The following CLIC5 variants were observed in gnomAD, a reference collection of about 807,000 sequenced individuals.
CLIC5 encodes the protein CLIC family member 5.
In CLIC5, 20 loss-of-function variants were observed where a neutral mutation model predicts 24.7. The observed-to-expected ratio is 0.81, with a 90% CI of 0.57 to 1.18. The LOEUF is 1.18. CLIC5 is among the 50% of genes most tolerant of loss of function. The probability of loss-of-function intolerance (pLI) is 0.00; values close to 1 mark genes in which losing one functional copy is unlikely to be tolerated. For synonymous variants in CLIC5, 159 were observed against 135.6 expected (o/e 1.17, Z -1.20); for missense variants, 341 against 326.1 (o/e 1.05, Z -0.35).
At chr6:46,030,485 C>G (rs924585241) in intron 1 of CLIC5, among the ~76,000 whole-genome samples, 10 of 152,146 alleles carry the variant, frequency 6.6e-5, no homozygotes, top group African/African-American at 2.4e-4. Flanking sequence ...CTCTTGGTAG[C>G]CAGGACATGC....
At chr6:46,040,319 T>C (rs1300678645) in intron 1 of CLIC5, among the ~76,000 whole-genome samples, 1 of 152,126 alleles carries the variant, frequency 6.6e-6, no homozygotes, top group African/African-American at 2.4e-5. Flanking sequence ...TTGCTCATAG[T>C]GTTAATAATG....
At chr6:45,955,551 A>G (rs1764614507) in intron 1 of CLIC5, among the ~76,000 whole-genome samples, 1 of 151,654 alleles carries the variant, frequency 6.6e-6, no homozygotes, top group Non-Finnish European at 1.5e-5. Flanking sequence ...GTCTGACACA[A>G]ATGATATTGG....
the CLIC5 span, among the ~76,000 whole-genome samples, chr6:46,104,637 C>T: frequency 5.4e-5 from 8 of 149,180 alleles, no homozygotes; most frequent in South Asian, 1.7e-3. Flanking sequence ...CCTGAGCTTT[C>T]CATAAAGAGG....
intron 1 of CLIC5, among the ~76,000 whole-genome samples, chr6:46,055,375 A>G (rs1189705140): frequency 6.6e-6 from 1 of 151,462 alleles, no homozygotes; most frequent in Non-Finnish European, 1.5e-5. Flanking sequence ...AGTGCTGGGA[A>G]AACAGGCGTG....
chr6:46,121,092 T>C, the CLIC5 span, among the ~76,000 whole-genome samples: 1 of 151,990 alleles, frequency 6.6e-6, no homozygotes, highest in Non-Finnish European at 1.5e-5. Flanking sequence ...GCCACCAAGA[T>C]ACTCCTCAAG....
At chr6:45,882,628 C>A (rs773627004) in intron 6 of CLIC5, among the ~76,000 whole-genome samples, 1 of 152,134 alleles carries the variant, frequency 6.6e-6, no homozygotes, top group East Asian at 1.9e-4. Flanking sequence ...TAGTAAGATA[C>A]GCATGTGTTT....
intron 6 of CLIC5, among the ~76,000 whole-genome samples, chr6:45,889,424 G>GCATATAATTT: frequency 6.6e-6 from 1 of 152,078 alleles, no homozygotes; most frequent in Non-Finnish European, 1.5e-5. Flanking sequence ...AAATTTTGGG[G>GCATATAATTT]GGAACACATT....
At chr6:45,971,574 C>T (rs1007310643) in intron 1 of CLIC5, among the ~76,000 whole-genome samples, 1 of 152,166 alleles carries the variant, frequency 6.6e-6, no homozygotes, top group Admixed American at 6.5e-5. Context: ...GACAGATAGT[C>T]TTCTAGATCC....
chr6:45,926,252 T>A (rs2894656), intron 4 of CLIC5, among the ~76,000 whole-genome samples: 34,135 of 142,262 alleles, frequency 0.24, 4,524 homozygotes, highest in East Asian at 0.44. Flanking sequence ...TATTTTATTT[T>A]TTTTATTTTT....
chr6:45,914,637 T>C, intron 4 of CLIC5: 4 of 822,216 alleles, frequency 4.9e-6, no homozygotes, highest in Non-Finnish European at 6.3e-6. Context: ...GCTAATCTTT[T>C]GCTTTGAAAA....
rs1034063326 is a variant in CLIC5, at chr6:45,900,319, C to A, written c.*2769G>T. On this transcript the variant is annotated 3_prime_UTR_variant, in exon 6 of 6. Transcript: ENST00000339561. ...CTGTGCCACCAAAATGCTTTCTGAG[C>A]GATTTGTATTCATTCAGGACCAATG... 1.4e-4 allele frequency: 22 copies of A among 152,008 alleles called. 1 individual carries two copies. The highest frequency in any genetic ancestry group is 2.9e-5 in the Non-Finnish European group (2 of 68,022). 9.4% of individuals were successfully genotyped at this position (152,008 alleles called of 1,614,324 possible). A position where few individuals can be genotyped will look rare whatever the true frequency, so the allele number is the denominator to read the frequency against.
intron 1 of CLIC5, among the ~76,000 whole-genome samples, chr6:46,072,658 T>C (rs1243591075): frequency 2.6e-5 from 4 of 152,186 alleles, no homozygotes; most frequent in Non-Finnish European, 5.9e-5. Context: ...AACTCTCACA[T>C]GATTATTTGG....
At chr6:45,929,594 A>G (rs1311759220) in intron 4 of CLIC5, among the ~76,000 whole-genome samples, 1 of 152,266 alleles carries the variant, frequency 6.6e-6, no homozygotes, top group East Asian at 1.9e-4. Flanking sequence ...GAAAGGAGAC[A>G]GCAATGGCTG....
At chr6:45,938,765 G>A (rs999031511) in intron 4 of CLIC5, among the ~76,000 whole-genome samples, 1 of 152,120 alleles carries the variant, frequency 6.6e-6, no homozygotes, top group Non-Finnish European at 1.5e-5. Flanking sequence ...AAAATCTGGA[G>A]GGCTCAAATG....
Position 46,071,190 on chromosome 6 carries a change from C to G in CLIC5, c.540+8513G>C, listed in dbSNP as rs540801155. The stretch of plus-strand genomic sequence containing the variant: ...GGCAAAGATTTCATGACAAAGATGC[C>G]AAAATCAGTTGAAACAAAAGCAAAA... On this transcript the variant is annotated intron_variant, in intron 1 of 5. Transcript: ENST00000185206. 2.0e-5 allele frequency among the ~76,000 whole-genome samples: 3 copies of G among 152,060 alleles called. No individual in the cohort carries two copies. The South Asian group carries it at 6.2e-4, about 32-fold the overall frequency.
chr6:46,090,335 AC>A, the CLIC5 span, among the ~76,000 whole-genome samples: 12 of 151,468 alleles, frequency 7.9e-5, no homozygotes, highest in East Asian at 2.3e-3. Context: ...TCCGACCCCA[AC>A]GCCTCCTCCA....
intron 1 of CLIC5, among the ~76,000 whole-genome samples, chr6:45,992,101 G>A (rs188235096): frequency 7.0e-4 from 107 of 152,274 alleles, no homozygotes; most frequent in African/African-American, 2.6e-3. Flanking sequence ...TGTGAGGCAA[G>A]CCCCTTCCCC....
chr6:45,956,601 A>G (rs1233010868), intron 1 of CLIC5, among the ~76,000 whole-genome samples: 2 of 151,724 alleles, frequency 1.3e-5, no homozygotes, highest in South Asian at 2.1e-4. Flanking sequence ...CTTCTTTCAT[A>G]CATTAGAACC....
At chr6:46,085,993 T>C in the CLIC5 span, among the ~76,000 whole-genome samples, 2 of 152,192 alleles carry the variant, frequency 1.3e-5, no homozygotes, top group African/African-American at 4.8e-5. Context: ...CAGTTTGATC[T>C]CAGACTGCTG....
Sources: allele counts gnomAD v4.1 joint callset (sites outside exome capture counted in the v4.1 genomes callset), GRCh38; gene constraint gnomAD v4.1.1; transcripts MANE v1.5; gene names NCBI Gene and HGNC (gene_info 2026-07-23, HGNC 2026-07-21).